Variants in MRE11 observed in about 807,000 individuals in gnomAD.
The protein encoded by MRE11 is double-strand break repair protein MRE11.
MRE11 carries 62 observed loss-of-function variants against 91.7 expected under a neutral mutation model. The observed-to-expected ratio is 0.68, with a 90% CI of 0.55 to 0.84. MRE11 has a LOEUF of 0.84. Ranked by LOEUF, MRE11 falls within the 40% of genes least tolerant of loss-of-function variation. The probability of loss-of-function intolerance (pLI) is 0.00; values close to 1 mark genes in which losing one functional copy is unlikely to be tolerated. For missense variants in MRE11, 796 were observed against 852.9 expected, an observed-to-expected ratio of 0.93 and a Z score of 0.83; for synonymous variants, 273 against 271.4, an observed-to-expected ratio of 1.01 and a Z score of -0.06.
intron 13 of MRE11, among the ~76,000 whole-genome samples, chr11:94,458,207 T>C (rs532954374): frequency 3.2e-4 from 49 of 151,778 alleles, no homozygotes; most frequent in Admixed American, 7.9e-4. Flanking sequence ...TTAAATAACA[T>C]TGTTTTGTTC....
At position 94,418,719 on chromosome 11, in the gene MRE11, T is replaced by C; in HGVS notation, c.*1406A>G. On this transcript the variant is annotated 3_prime_UTR_variant, in exon 20 of 20. Transcript: ENST00000323929. ...ATGTGGGCAGATCTGCCTAAGAATA[T>C]TTCACAGGACAATGCCTTCCACTGA... 4.3e-6 allele frequency: 1 copy of C among 232,504 alleles called. No individual in the cohort carries two copies. Among genetic ancestry groups the C allele is most frequent in the African/African-American group, 2.2e-5 (1 of 45,464 alleles). The allele number at this position is 232,504 out of a possible 1,614,324, so 14.4% of individuals were successfully genotyped here.
intron 18 of MRE11, among the ~76,000 whole-genome samples, chr11:94,433,493 A>G (rs1945519338): frequency 6.6e-6 from 1 of 152,172 alleles, no homozygotes. Flanking sequence ...ATAGACTGTG[A>G]TATGGTTTGG....
At chr11:94,424,790 A>G (rs1321113348) in intron 19 of MRE11, among the ~76,000 whole-genome samples, 4 of 152,154 alleles carry the variant, frequency 2.6e-5, no homozygotes, top group African/African-American at 4.8e-5. Flanking sequence ...TGGTCAGAGA[A>G]AAATAAAGGA....
chr11:94,509,676 A>G, the MRE11 span, among the ~76,000 whole-genome samples: 1 of 152,032 alleles, frequency 6.6e-6, no homozygotes, highest in Non-Finnish European at 1.5e-5. Flanking sequence ...CCTTGACCTC[A>G]TGATCCACTC....
rs758314845 is a variant in MRE11, at chr11:94,492,784, T to C, written c.18A>G (p.Ala6=). Residue 6 remains alanine (A), a splice_region_variant and synonymous_variant, in exon 2 of 20, where the codon GCA becomes GCG. Transcript: ENST00000323929. MSTAD[A]LDDENTFKIL... Reference sequence around the variant, plus strand: ...GATTCCAGAAGTCAGGTGCTTACAGTGCATCTGCAGTACTCATTTTTATGG... The same window carrying C: ...GATTCCAGAAGTCAGGTGCTTACAGCGCATCTGCAGTACTCATTTTTATGG... 3 of 1,614,020 alleles carry C rather than the reference T, an allele frequency of 1.9e-6. No individual in the cohort carries two copies. The highest frequency in any genetic ancestry group is 2.2e-5 in the East Asian group (1 of 44,874).
At position 94,447,201 on chromosome 11, in the gene MRE11, A is replaced by G; in HGVS notation, c.1783+18T>C. Reference sequence around the variant, plus strand: ...ACTGCCAAGTGTGAATGTGCACAGGACTGAACTCAGTGCTCACCTCTTCCT... The same window carrying G: ...ACTGCCAAGTGTGAATGTGCACAGGGCTGAACTCAGTGCTCACCTCTTCCT... On this transcript the variant is annotated intron_variant, in intron 15 of 19. Transcript: ENST00000323929. 6.2e-7 allele frequency: 1 copy of G among 1,604,386 alleles called. No homozygotes were observed. The highest frequency in any genetic ancestry group is 8.5e-7 in the Non-Finnish European group (1 of 1,175,014).
At position 94,456,304 on chromosome 11, in the gene MRE11, G is replaced by A. The variant is rs781438010; in HGVS notation, c.1535C>T (p.Thr512Ile). The change falls in exon 14 of 20, where the codon ACT (threonine) becomes ATT (isoleucine). Residue 512 changes from threonine to isoleucine, a missense_variant. Thr to Ile is a moderately conservative substitution (Grantham distance 89). Coordinates refer to ENST00000323929, the MANE Select transcript of MRE11 (RefSeq NM_005591.4). ...RRFRETRQKN[T>I]NEEDDEVREA... ...ACGGACTTCATCATCTTCTTCATTA[G>A]TATTTTTTTGTCTGGTTTCTCTGAA... 6.2e-7 allele frequency: 1 copy of A among 1,613,402 alleles called. No homozygotes were observed. The highest frequency in any genetic ancestry group is 1.3e-5 in the African/African-American group (1 of 74,868).
intron 18 of MRE11, among the ~76,000 whole-genome samples, 169 bp from the exon 19 acceptor site, chr11:94,430,155 T>C (rs1437473381): frequency 6.6e-6 from 1 of 152,228 alleles, no homozygotes; most frequent in Non-Finnish European, 1.5e-5. Flanking sequence ...AAAAGGACTC[T>C]GGGGCCGAGG....
chr11:94,431,736 C>T (rs1323263619), intron 18 of MRE11, among the ~76,000 whole-genome samples: 2 of 152,150 alleles, frequency 1.3e-5, no homozygotes, highest in African/African-American at 4.8e-5. Flanking sequence ...AAGTTGTGAG[C>T]ACCACGCAAG....
chr11:94,416,468 A>C lies in MRE11; in HGVS notation c.*3657T>G, dbSNP rs1240937125. ...AAATGTGGATCTTTTTCATTCAAGA[A>C]TATGGAAACTCATTGGACTGAAAAA... On this transcript the variant is annotated 3_prime_UTR_variant, in exon 20 of 20. Coordinates refer to ENST00000323929, the MANE Select transcript of MRE11 (RefSeq NM_005591.4). The C allele has an allele frequency of 1.3e-5, 2 of 152,156 alleles. No individual in the cohort carries two copies. The highest frequency in any genetic ancestry group is 4.8e-5 in the African/African-American group (2 of 41,434). The allele number at this position is 152,156 out of a possible 1,614,324, so 9.4% of individuals were successfully genotyped here.
intron 16 of MRE11, among the ~76,000 whole-genome samples, chr11:94,442,353 T>C (rs1945804059): frequency 6.6e-6 from 1 of 152,182 alleles, no homozygotes; most frequent in African/African-American, 2.4e-5. Context: ...TGATATCTGA[T>C]TTCTTAATTA....
At chr11:94,442,446 G>A (rs1003137615) in intron 16 of MRE11, among the ~76,000 whole-genome samples, 2 of 151,906 alleles carry the variant, frequency 1.3e-5, no homozygotes. Flanking sequence ...AAACAAGCCA[G>A]GACACTGGAT....
At chr11:94,459,753 G>A (rs1251873474) in intron 12 of MRE11, among the ~76,000 whole-genome samples, 172 bp from the exon 13 acceptor site, 1 of 152,304 alleles carries the variant, frequency 6.6e-6, no homozygotes, top group South Asian at 2.1e-4. Context: ...ACCAGAAATG[G>A]GGGAGGAGTA....
intron 19 of MRE11, 96 bp from the exon 20 acceptor site, chr11:94,420,277 ATT>A: frequency 2.2e-6 from 2 of 916,136 alleles, no homozygotes; most frequent in Non-Finnish European, 3.5e-6. Context: ...AGTGAGAGTC[ATT>A]TCACATGGGA....
intron 19 of MRE11, among the ~76,000 whole-genome samples, chr11:94,427,055 A>T (rs1186364093): frequency 6.6e-6 from 1 of 152,232 alleles, no homozygotes; most frequent in Non-Finnish European, 1.5e-5. Context: ...CGAAGCCAGC[A>T]TCAGCCTGAT....
chr11:94,486,049 A>G lies in MRE11; in HGVS notation c.189T>C (p.His63=), dbSNP rs1591719322. 6.2e-7 allele frequency: 1 copy of G among 1,613,876 alleles called. No individual in the cohort carries two copies. Among genetic ancestry groups the G allele is most frequent in the Non-Finnish European group, 8.5e-7 (1 of 1,179,894 alleles). The change falls in exon 4 of 20, where the codon CAT becomes CAC. Residue 63 remains histidine (H), a synonymous_variant. Transcript: ENST00000323929. ...DFILLGGDLF[H]ENKPSRKTLH... ...ATGTTTTCCTTGAGGGCTTATTTTC[A>G]TGAAAAAGATCACCACCTAACAAAA...
At chr11:94,485,876 A>T in intron 4 of MRE11, 48 bp downstream of exon 4, 1 of 1,568,444 alleles carries the variant, frequency 6.4e-7, no homozygotes, top group Non-Finnish European at 8.8e-7. Flanking sequence ...TTATACAGCA[A>T]ATACCATACA....
rs1945919839 is a variant in MRE11 at position 94,446,011 on chromosome 11, C to T, written c.1784-118G>A. 3.9e-6 allele frequency: 3 copies of T among 772,108 alleles called. No individual in the cohort carries two copies. In the Admixed American group the frequency reaches 5.9e-5, roughly 15 times the overall value. 47.8% of individuals were successfully genotyped at this position (772,108 alleles called of 1,614,324 possible). ...GTCAAATAGTTTGTCTGTAAAAAGC[C>T]AGACATATATATAAGAACAAACATC... On this transcript the variant is annotated intron_variant, in intron 15 of 19. Transcript: ENST00000323929.
chr11:94,446,666 A>G (rs373314809), intron 15 of MRE11, among the ~76,000 whole-genome samples: 12 of 152,214 alleles, frequency 7.9e-5, no homozygotes, highest in African/African-American at 2.9e-4. Context: ...GGCGTGAACT[A>G]TTCAATGACA....
Sources: allele counts gnomAD v4.1 joint callset (sites outside exome capture counted in the v4.1 genomes callset), GRCh38; gene constraint gnomAD v4.1.1; transcripts MANE v1.5; gene names NCBI Gene and HGNC (gene_info 2026-07-23, HGNC 2026-07-21).